Variants in COG6 observed in about 807,000 individuals in gnomAD.
COG6 encodes the protein component of oligomeric golgi complex 6.
In COG6, 74 loss-of-function variants were observed where a neutral mutation model predicts 88.8. The observed-to-expected ratio is 0.83, with a 90% CI of 0.69 to 1.01. The LOEUF (loss-of-function observed/expected upper bound fraction) is 1.01. Ranked by LOEUF, COG6 falls within the 50% of genes least tolerant of loss-of-function variation. The pLI is 0.00. For synonymous variants in COG6, 286 were observed against 278.7 expected, an observed-to-expected ratio of 1.03 and a Z score of -0.26; for missense variants, 800 against 797.9, an observed-to-expected ratio of 1.00 and a Z score of -0.03.
intron 13 of COG6, among the ~76,000 whole-genome samples, chr13:39,707,832 G>A (rs1878027502): frequency 6.6e-6 from 1 of 152,108 alleles, no homozygotes; most frequent in Non-Finnish European, 1.5e-5. Context: ...CTTGGATATT[G>A]TAAATAAAGC....
At chr13:39,703,533 G>C (rs187645476) in intron 13 of COG6, among the ~76,000 whole-genome samples, 1 of 152,038 alleles carries the variant, frequency 6.6e-6, no homozygotes, top group Non-Finnish European at 1.5e-5. Flanking sequence ...TTTGCCTGTA[G>C]TATTTTCTGA....
rs1376193507 is a variant in COG6 at position 39,752,103 on chromosome 13, T to C, written c.*1010T>C. The C allele has an allele frequency of 7.8e-7, 1 of 1,281,614 alleles. No homozygotes were observed. The allele number at this position is 1,281,614 out of a possible 1,614,324, so 79.4% of individuals were successfully genotyped here. A position where few individuals can be genotyped will look rare whatever the true frequency, so the allele number is the denominator to read the frequency against. The stretch of plus-strand genomic sequence containing the variant: ...GGAAGATTAAAAATGACTGTATTTT[T>C]AAAGGAATAAATCCCAGTGTGCCTG... On this transcript the variant is annotated 3_prime_UTR_variant, in exon 19 of 19. Transcript: ENST00000455146.
chr13:39,709,263 A>T (rs1316547989), intron 13 of COG6, among the ~76,000 whole-genome samples: 1 of 152,198 alleles, frequency 6.6e-6, no homozygotes, highest in Non-Finnish European at 1.5e-5. Flanking sequence ...TGTTCCATAC[A>T]TAATAGTTCC....
At chr13:39,758,080 C>T (rs1167503441) in intron 18 of COG6, among the ~76,000 whole-genome samples, 3 of 151,648 alleles carry the variant, frequency 2.0e-5, no homozygotes, top group African/African-American at 7.3e-5. Context: ...ATTAGCTGGG[C>T]GTGGTGGCGG....
chr13:39,784,077 C>T (rs746393681), intron 18 of COG6, among the ~76,000 whole-genome samples: 4 of 152,174 alleles, frequency 2.6e-5, no homozygotes, highest in Non-Finnish European at 5.9e-5. Flanking sequence ...GGTCACATAA[C>T]ACGGTCCACT....
In COG6 at chr13:39,659,492, C is replaced by T; in HGVS notation, c.282C>T (p.Phe94=). The T allele has an allele frequency of 6.2e-7, 1 of 1,613,142 alleles. No individual in the cohort carries two copies. Among genetic ancestry groups the T allele is most frequent in the Non-Finnish European group, 8.5e-7 (1 of 1,179,548 alleles). ...LAINEEFVSI[F]KEVKEELESI... Reference sequence around the variant, plus strand: ...TCAATGAAGAATTTGTAAGCATTTTCAAGGAAGTGAAGGAGGTATGTAAAC... The same window carrying T: ...TCAATGAAGAATTTGTAAGCATTTTTAAGGAAGTGAAGGAGGTATGTAAAC... Residue 94 remains phenylalanine, a synonymous_variant, in exon 2 of 19, where the codon TTC becomes TTT. Transcript: ENST00000455146.
intron 18 of COG6, among the ~76,000 whole-genome samples, chr13:39,762,761 G>GTTTT (rs199547975): frequency 7.2e-6 from 1 of 139,188 alleles, no homozygotes; most frequent in African/African-American, 2.6e-5. Context: ...CAAAATAAGA[G>GTTTT]TTTTTTTTTT....
chr13:39,751,186 G>A lies in COG6; in HGVS notation c.*93G>A, dbSNP rs778671793. On this transcript the variant is annotated 3_prime_UTR_variant, in exon 19 of 19. Coordinates refer to ENST00000455146, the MANE Select transcript of COG6 (RefSeq NM_020751.3). Reference sequence around the variant, plus strand: ...TGAATTTTTACTCTATAATTTGATAGTTACAGTTTTCTTTGTATCATAAGA... The same window carrying A: ...TGAATTTTTACTCTATAATTTGATAATTACAGTTTTCTTTGTATCATAAGA... The A allele has an allele frequency of 3.2e-6, 5 of 1,542,016 alleles. No homozygotes were observed. In the South Asian group the frequency reaches 6.1e-5, roughly 19 times the overall value.
In COG6 at chr13:39,773,645, G is replaced by C. The variant is rs143547957; in HGVS notation, c.1827-14690G>C. On this transcript the variant is annotated intron_variant, in intron 18 of 18. Transcript: ENST00000416691. Reference sequence around the variant, plus strand: ...ACTGGAATGTAGAAACTCTGTTCCAGCCTGACTCCAATCAGGATTCTTTTA... The same window carrying C: ...ACTGGAATGTAGAAACTCTGTTCCACCCTGACTCCAATCAGGATTCTTTTA... 2.6e-3 allele frequency among the ~76,000 whole-genome samples: 391 copies of C among 152,294 alleles called. 2 individuals are homozygous for C. Among genetic ancestry groups the C allele is most frequent in the African/African-American group, 9.1e-3 (378 of 41,554 alleles).
chr13:39,703,925 G>C (rs115084679), intron 13 of COG6, among the ~76,000 whole-genome samples: 1 of 150,406 alleles, frequency 6.6e-6, no homozygotes, highest in Non-Finnish European at 1.5e-5. Flanking sequence ...GTAGAGACAT[G>C]GTCTCACTAT....
At chr13:39,717,616 T>C (rs1878599356) in intron 13 of COG6, among the ~76,000 whole-genome samples, 1 of 152,054 alleles carries the variant, frequency 6.6e-6, no homozygotes, top group Admixed American at 6.6e-5. Flanking sequence ...CCTGTAATGA[T>C]AGCATTTTGG....
intron 13 of COG6, 49 bp downstream of exon 13, chr13:39,699,667 A>G: frequency 1.1e-6 from 1 of 893,556 alleles, no homozygotes; most frequent in Non-Finnish European, 1.9e-6. Context: ...TTTCACATTA[A>G]AGATGTTTTA....
intron 18 of COG6, among the ~76,000 whole-genome samples, chr13:39,765,011 T>C (rs527713053): frequency 6.6e-6 from 1 of 152,300 alleles, no homozygotes; most frequent in African/African-American, 2.4e-5. Flanking sequence ...TTTTGCTTTA[T>C]ATGTTTTTAC....
Position 39,687,538 on chromosome 13 carries a change from G to A in COG6, c.824G>A (p.Ser275Asn), listed in dbSNP as rs1019624209. The change falls in exon 9 of 19, where the codon AGT (serine) becomes AAT (asparagine). Residue 275 changes from serine (S) to asparagine (N), a missense_variant. Physicochemically the swap from Ser to Asn is conservative, Grantham distance 46 (BLOSUM62 1). Coordinates refer to ENST00000455146, the MANE Select transcript of COG6 (RefSeq NM_020751.3). The part of the protein sequence containing the change: ...TLDEFGTARR[S>N]TVVRGFIDAL... ...GATGAATTTGGAACAGCCAGAAGAA[G>A]TACAGTTGTTCGTGGATTTATTGAT... 2 of 1,613,220 alleles carry A rather than the reference G, an allele frequency of 1.2e-6. No individual in the cohort carries two copies. Among genetic ancestry groups the A allele is most frequent in the African/African-American group, 1.3e-5 (1 of 74,916 alleles).
rs528690468 is a variant in COG6, at chr13:39,783,650, C to G, written c.1827-4685C>G. On this transcript the variant is annotated intron_variant, in intron 18 of 18. Coordinates refer to the COG6 transcript ENST00000416691. ...CTGTTAGACTACACACCAATCCAAA[C>G]TAACCTTAAGTGACCAGATATTCAA... is the stretch of plus-strand genomic sequence containing the variant. 1.7e-4 allele frequency among the ~76,000 whole-genome samples: 26 copies of G among 152,266 alleles called. No individual in the cohort carries two copies. In the South Asian group the frequency reaches 5.2e-3, roughly 30 times the overall value.
At chr13:39,763,359 C>T (rs1236713952) in intron 18 of COG6, among the ~76,000 whole-genome samples, 1 of 151,710 alleles carries the variant, frequency 6.6e-6, no homozygotes, top group Non-Finnish European at 1.5e-5. Context: ...TAATGTTTAA[C>T]CATTTACAGT....
At chr13:39,778,860 C>T (rs1414825176) in intron 18 of COG6, among the ~76,000 whole-genome samples, 1 of 152,198 alleles carries the variant, frequency 6.6e-6, no homozygotes, top group Non-Finnish European at 1.5e-5. Flanking sequence ...TGAGAGTCTT[C>T]ACCACATGAT....
intron 4 of COG6, among the ~76,000 whole-genome samples, chr13:39,676,660 C>A (rs1875984886): frequency 6.6e-6 from 1 of 152,028 alleles, no homozygotes; most frequent in South Asian, 2.1e-4. Flanking sequence ...TTTGTTCATT[C>A]TTATTTGAAT....
chr13:39,663,171 G>A (rs1875020297), intron 3 of COG6, among the ~76,000 whole-genome samples: 1 of 151,712 alleles, frequency 6.6e-6, no homozygotes, highest in African/African-American at 2.4e-5. Flanking sequence ...GGAGATTGAG[G>A]TTAATCTTCA....
Sources: gnomAD v4.1 joint callset for allele counts (sites outside exome capture counted in the v4.1 genomes callset) on GRCh38, gnomAD v4.1.1 for gene constraint, MANE v1.5 for transcripts, NCBI Gene and HGNC (gene_info 2026-07-23, HGNC 2026-07-21) for gene names.